Variants in NKD1 observed in about 807,000 individuals in gnomAD.
NKD1 encodes protein naked cuticle homolog 1.
A neutral mutation model predicts 56.0 loss-of-function variants in NKD1; 21 were observed. The observed-to-expected ratio is 0.38, with a 90% CI of 0.27 to 0.54. The LOEUF is 0.54. NKD1 is among the 20% of genes least tolerant of loss of function. The pLI, the probability that NKD1 is intolerant of heterozygous loss-of-function variation, is 0.82. For missense variants in NKD1, 578 were observed against 642.7 expected (o/e 0.90, Z 1.09); for synonymous variants, 263 against 265.7 (o/e 0.99, Z 0.10).
At position 50,623,156 on chromosome 16, in the gene NKD1, G is replaced by A. The variant is rs1962131421; in HGVS notation, c.366+1448G>A. 6.6e-6 allele frequency among the ~76,000 whole-genome samples: 1 copy of A among 152,078 alleles called. No individual in the cohort carries two copies. The highest frequency in any genetic ancestry group is 2.4e-5 in the African/African-American group (1 of 41,434). ...GTGCTGTGTGGAGAGAGTGAGTGGC[G>A]TGATGTGGCCTGTGCTGGATGGTGG... is the stretch of plus-strand genomic sequence containing the variant. On this transcript the variant is annotated intron_variant, in intron 5 of 9. Transcript: ENST00000268459. This position sits in a 1 kb window ranked among gnomAD's most constrained non-coding sequence, Gnocchi z 4.1.
intron 8 of NKD1, among the ~76,000 whole-genome samples, chr16:50,631,524 G>A (rs981841450): frequency 1.3e-4 from 20 of 152,168 alleles, no homozygotes; most frequent in African/African-American, 4.3e-4. Context: ...ATTAGTACTC[G>A]CTAGGGGAAA....
intron 4 of NKD1, among the ~76,000 whole-genome samples, chr16:50,618,138 G>A (rs1005496015): frequency 7.2e-5 from 11 of 152,108 alleles, no homozygotes; most frequent in Non-Finnish European, 1.6e-4. Flanking sequence ...CAAGTGAAAG[G>A]CCTTTTTTCC....
chr16:50,548,788 G>A (rs1378777478), intron 2 of NKD1, 39 bp downstream of exon 2: 11 of 1,359,916 alleles, frequency 8.1e-6, no homozygotes, highest in South Asian at 1.8e-5. Flanking sequence ...GGATGGACGC[G>A]GGGGACACCG....
At chr16:50,567,797 T>G (rs1960794323) in intron 3 of NKD1, among the ~76,000 whole-genome samples, 1 of 152,326 alleles carries the variant, frequency 6.6e-6, no homozygotes, top group South Asian at 2.1e-4. Flanking sequence ...TTTGAGTATA[T>G]TAAGACACAA....
chr16:50,625,798 C>T (rs548185174), intron 6 of NKD1, among the ~76,000 whole-genome samples: 31 of 152,256 alleles, frequency 2.0e-4, no homozygotes, highest in African/African-American at 6.3e-4. Flanking sequence ...GAAGGCAGCT[C>T]CCCTGCTCTC....
intron 4 of NKD1, among the ~76,000 whole-genome samples, chr16:50,614,524 A>G (rs1961919570): frequency 6.6e-6 from 1 of 152,144 alleles, no homozygotes; most frequent in Non-Finnish European, 1.5e-5. Flanking sequence ...GGGCACTCCC[A>G]TCCTATGAGC....
intron 8 of NKD1, 142 bp downstream of exon 8, chr16:50,631,052 A>G (rs1962334005): frequency 5.1e-6 from 3 of 583,826 alleles, no homozygotes; most frequent in Non-Finnish European, 8.9e-6. Context: ...CATAAATCAA[A>G]TGAAAATCTT....
Position 50,637,793 on chromosome 16 carries a change from TC to T in NKD1, c.*4016del, listed in dbSNP as rs1410642215. ...CAGAGGAGCAGTTGCCACTGCCCCA[TC>T]CCCTGAGCTCTGAGCGTGGGGGTTC... On this transcript the variant is annotated 3_prime_UTR_variant, in exon 10 of 10. Coordinates refer to ENST00000268459, the MANE Select transcript of NKD1 (RefSeq NM_033119.5). 1 of 152,082 alleles carries T rather than the reference TC, an allele frequency of 6.6e-6. No homozygotes were observed. The allele number at this position is 152,082 out of a possible 1,614,324, so 9.4% of individuals were successfully genotyped here. A position where few individuals can be genotyped will look rare whatever the true frequency, so the allele number is the denominator to read the frequency against.
Position 50,635,136 on chromosome 16 carries a change from T to TA in NKD1, c.*1356dup, listed in dbSNP as rs1962438666. ...CCATGAGAGTGCAGAACCCTGGGGC[T>TA]AGCAGTGTGGGGCGCTATTCCCACC... On this transcript the variant is annotated 3_prime_UTR_variant, in exon 10 of 10. Coordinates refer to ENST00000268459, the MANE Select transcript of NKD1 (RefSeq NM_033119.5). The surrounding 1 kb of genome is among the most constrained non-coding windows in gnomAD (Gnocchi z 4.1). 6.6e-6 allele frequency: 1 copy of TA among 152,270 alleles called. No individual in the cohort carries two copies. Among genetic ancestry groups the TA allele is most frequent in the African/African-American group, 2.4e-5 (1 of 41,460 alleles). 9.4% of individuals were successfully genotyped at this position (152,270 alleles called of 1,614,324 possible).
At chr16:50,621,068 C>T (rs1027678983) in intron 4 of NKD1, among the ~76,000 whole-genome samples, 1 of 152,258 alleles carries the variant, frequency 6.6e-6, no homozygotes, top group African/African-American at 2.4e-5. Context: ...CTTGTGCATA[C>T]ATGTATGTGG....
intron 3 of NKD1, among the ~76,000 whole-genome samples, chr16:50,561,762 A>G (rs1960639537): frequency 6.6e-6 from 1 of 152,240 alleles, no homozygotes; most frequent in Non-Finnish European, 1.5e-5. Flanking sequence ...AAAGCAAGTC[A>G]CAGGTCCAGC....
chr16:50,579,447 C>G (rs1200389294), intron 3 of NKD1, among the ~76,000 whole-genome samples: 1 of 138,174 alleles, frequency 7.2e-6, no homozygotes, highest in Non-Finnish European at 1.5e-5. Flanking sequence ...CACTCTAACC[C>G]GCCACGCATG....
rs1293824261 is a variant in NKD1 at position 50,640,616 on chromosome 16, G to A, written c.*6835G>A. On this transcript the variant is annotated 3_prime_UTR_variant, in exon 10 of 10. Transcript: ENST00000268459. ...AGGGAATGAGTGATCAAGGGAGGGAGGAGGGAGTGGAGTGGAGATTTCTCA... is the reference window on the plus strand; with the variant it reads ...AGGGAATGAGTGATCAAGGGAGGGAAGAGGGAGTGGAGTGGAGATTTCTCA... 6.6e-6 allele frequency: 1 copy of A among 152,216 alleles called. No homozygotes were observed. The highest frequency in any genetic ancestry group is 1.5e-5 in the Non-Finnish European group (1 of 68,032). The allele number at this position is 152,216 out of a possible 1,614,324, so 9.4% of individuals were successfully genotyped here.
At chr16:50,617,320 G>C (rs571618794) in intron 4 of NKD1, among the ~76,000 whole-genome samples, 53 of 152,124 alleles carry the variant, frequency 3.5e-4, no homozygotes, top group African/African-American at 1.3e-3. Context: ...GGAGGGGAGA[G>C]GGAAGAGACT....
rs138964473 is a variant in NKD1, at chr16:50,598,262, T to TGTGCGTGCGC, written c.193-10031_193-10030insTGCGTGCGCG. Among the ~76,000 whole-genome samples, 1 of 148,572 alleles carries TGTGCGTGCGC rather than the reference T, an allele frequency of 6.7e-6. No individual in the cohort carries two copies. The highest frequency in any genetic ancestry group is 1.5e-5 in the Non-Finnish European group (1 of 67,548). ...GTGTGTGTGTGTGTGTGTGTGTGTGTGCGCGCACACCTGTGCTCATGGACA... is the reference window on the plus strand; with the variant it reads ...GTGTGTGTGTGTGTGTGTGTGTGTGTGTGCGTGCGCGCGCGCACACCTGTGCTCATGGACA... On this transcript the variant is annotated intron_variant, in intron 3 of 9. Coordinates refer to ENST00000268459, the MANE Select transcript of NKD1 (RefSeq NM_033119.5). The surrounding 1 kb of genome is among the most constrained non-coding windows in gnomAD (Gnocchi z 4.2).
chr16:50,560,202 G>A (rs1329536243), intron 3 of NKD1, among the ~76,000 whole-genome samples: 1 of 152,352 alleles, frequency 6.6e-6, no homozygotes, highest in East Asian at 1.9e-4. Context: ...GACTTTCTCT[G>A]CTTCCTCCCT....
At position 50,630,846 on chromosome 16, in the gene NKD1, C is replaced by G. The variant is rs766549198; in HGVS notation, c.631C>G (p.Arg211Gly). 1.2e-6 allele frequency: 2 copies of G among 1,605,392 alleles called. No homozygotes were observed. The highest frequency in any genetic ancestry group is 8.5e-7 in the Non-Finnish European group (1 of 1,176,616). ...NQADLQSARPRAETKPTEDLR... is the reference protein window; with the variant it reads ...NQADLQSARPGAETKPTEDLR... ...CTCAGACCTGCAGAGCGCAAGGCCC[C>G]GAGCAGAGACCAAGCCCACTGAGGA... The change falls in exon 8 of 10, where the codon CGA (arginine) becomes GGA (glycine). Residue 211 changes from arginine to glycine, a missense_variant. Physicochemically the swap from Arg to Gly is moderately radical, Grantham distance 125 (BLOSUM62 -2). Coordinates refer to ENST00000268459, the MANE Select transcript of NKD1 (RefSeq NM_033119.5).
chr16:50,599,175 G>T (rs928855434), intron 3 of NKD1, among the ~76,000 whole-genome samples: 1 of 152,104 alleles, frequency 6.6e-6, no homozygotes, highest in East Asian at 1.9e-4. Context: ...AAAAACCAGG[G>T]CAGAAGAGAG....
At chr16:50,562,983 A>AC (rs1483596865) in intron 3 of NKD1, among the ~76,000 whole-genome samples, 808 of 53,464 alleles carry the variant, frequency 0.015, 8 homozygotes, top group Non-Finnish European at 0.018. Context: ...AGGTCCCACC[A>AC]CCACCCCCCC....
Sources: allele counts gnomAD v4.1 joint callset (sites outside exome capture counted in the v4.1 genomes callset), GRCh38; gene constraint gnomAD v4.1.1; non-coding constraint Gnocchi (gnomAD v3.1); transcripts MANE v1.5; gene names NCBI Gene and HGNC (gene_info 2026-07-23, HGNC 2026-07-21).